The following NEK9 variants were observed in gnomAD, a reference collection of about 807,000 sequenced individuals.
NEK9 encodes NIMA related kinase 9.
In NEK9, 75 loss-of-function variants were observed where a neutral mutation model predicts 123.4. That is an observed-to-expected ratio of 0.61 (90% confidence interval 0.50 to 0.74). The LOEUF (loss-of-function observed/expected upper bound fraction) is 0.74. NEK9 is among the 30% of genes least tolerant of loss of function. The pLI, the probability that NEK9 is intolerant of heterozygous loss-of-function variation, is 0.00. For synonymous variants in NEK9, 438 were observed against 458.7 expected, an observed-to-expected ratio of 0.95 and a Z score of 0.58; for missense variants, 952 against 1,214.4, an observed-to-expected ratio of 0.78 and a Z score of 3.21.
At chr14:75,115,116 C>CACAT (rs1454791728) in intron 6 of NEK9, among the ~76,000 whole-genome samples, 1 of 144,176 alleles carries the variant, frequency 6.9e-6, no homozygotes, top group South Asian at 2.2e-4. Context: ...TGTGTGCGTA[C>CACAT]ACACACACAC....
At chr14:75,087,311 C>T (rs1372565300) in intron 20 of NEK9, 81 bp from the exon 21 acceptor site, 76 of 984,026 alleles carry the variant, frequency 7.7e-5, no homozygotes, top group African/African-American at 6.6e-5. Flanking sequence ...TAAGTGCAAT[C>T]GGATTTTACT....
Position 75,126,752 on chromosome 14 carries a change from A to G in NEK9, c.170T>C (p.Val57Ala). Reference sequence around the variant, plus strand: ...TTCCCCGAAGGCGCCGCGGCCCAGGACGCGGATGGGGATGTAGTGCAGTTC... The same window carrying G: ...TTCCCCGAAGGCGCCGCGGCCCAGGGCGCGGATGGGGATGTAGTGCAGTTC... ...QEELHYIPIR[V>A]LGRGAFGEAT... The change falls in exon 1 of 22, where the codon GTC (valine) becomes GCC (alanine). Residue 57 changes from valine to alanine, a missense_variant. Physicochemically the swap from Val to Ala is moderately conservative, Grantham distance 64 (BLOSUM62 0). Transcript: ENST00000238616. The G allele has an allele frequency of 6.6e-7, 1 of 1,505,040 alleles. No homozygotes were observed. Among genetic ancestry groups the G allele is most frequent in the Non-Finnish European group, 8.9e-7 (1 of 1,127,982 alleles). The allele number at this position is 1,505,040 out of a possible 1,614,324, so 93.2% of individuals were successfully genotyped here.
chr14:75,088,553 G>A lies in NEK9; in HGVS notation c.2531C>T (p.Pro844Leu), dbSNP rs1192783625. The A allele has an allele frequency of 1.2e-6, 2 of 1,614,026 alleles. No homozygotes were observed. Among genetic ancestry groups the A allele is most frequent in the Non-Finnish European group, 1.7e-6 (2 of 1,179,986 alleles). Reference protein sequence around the residue: ...AFSESEKDTLPYEELQGLKVA... With the variant: ...AFSESEKDTLLYEELQGLKVA... ...TTTGAGTCCTTGCAGCTCTTCATAG[G>A]GCAGGGTATCTTTCTCAGATTCTGA... The change falls in exon 20 of 22, where the codon CCC (proline) becomes CTC (leucine). Residue 844 changes from proline to leucine, a missense_variant. Physicochemically the swap from Pro to Leu is moderately conservative, Grantham distance 98. Coordinates refer to ENST00000238616, the MANE Select transcript of NEK9 (RefSeq NM_033116.6).
At chr14:75,119,028 A>T in intron 4 of NEK9, 93 bp from the exon 5 acceptor site, 1 of 758,446 alleles carries the variant, frequency 1.3e-6, no homozygotes, top group Admixed American at 2.1e-5. Context: ...AATAAAAATG[A>T]GTGTGGGCCG....
Position 75,097,205 on chromosome 14 carries a change from G to A in NEK9, c.2068C>T (p.Pro690Ser), listed in dbSNP as rs1413266993. The change falls in exon 17 of 22, where the codon CCA becomes TCA. Residue 690 changes from proline to serine, a missense_variant. This residue lies in a region of NEK9 where 698 missense variants were observed against 875.6 expected (regional missense o/e 0.80). Coordinates refer to ENST00000238616, the MANE Select transcript of NEK9 (RefSeq NM_033116.6). ...GAGGTACAGATATCAGAGCCATGTG[G>A]TCTCTCTGTGGGGGTCATTGCCAGG... ...GRLAMTPTER[P>S]HGSDICTSWP... The A allele has an allele frequency of 6.2e-7, 1 of 1,613,330 alleles. No individual in the cohort carries two copies. Among genetic ancestry groups the A allele is most frequent in the African/African-American group, 1.3e-5 (1 of 74,916 alleles).
chr14:75,113,315 T>C (rs776082471), intron 8 of NEK9, 24 bp downstream of exon 8: 3 of 1,584,676 alleles, frequency 1.9e-6, no homozygotes, highest in South Asian at 1.1e-5. Flanking sequence ...GAAAAGACAA[T>C]GGAGTGACTT....
chr14:75,121,765 C>A (rs942353324), intron 2 of NEK9, among the ~76,000 whole-genome samples: 2 of 152,054 alleles, frequency 1.3e-5, no homozygotes, highest in Non-Finnish European at 2.9e-5. Context: ...GTGGGAGGGT[C>A]GCCTGAGCGT....
chr14:75,087,287 A>G (rs1594820753), intron 20 of NEK9, 57 bp from the exon 21 acceptor site: 1 of 1,349,884 alleles, frequency 7.4e-7, no homozygotes, highest in African/African-American at 1.4e-5. Context: ...TAGCTCCTCA[A>G]TCCAAACTTC....
At chr14:75,090,934 A>T (rs764405641) in intron 19 of NEK9, among the ~76,000 whole-genome samples, 3 of 152,238 alleles carry the variant, frequency 2.0e-5, no homozygotes, top group Non-Finnish European at 4.4e-5. Context: ...AAGGCATTCC[A>T]ACTGCTCCAA....
In NEK9 at chr14:75,101,106, C is replaced by T. The variant is rs1894563765; in HGVS notation, c.1888G>A (p.Gly630Ser). The T allele has an allele frequency of 6.2e-7, 1 of 1,614,128 alleles. No homozygotes were observed. The highest frequency in any genetic ancestry group is 8.5e-7 in the Non-Finnish European group (1 of 1,180,062). The part of the protein sequence containing the change: ...TFGCNKCGQL[G>S]VGNYKKRLGI... ...AGACGCTTCTTGTAGTTCCCAACGC[C>T]CAGCTGCCCACACTTGTTGCAGCCA... is the stretch of plus-strand genomic sequence containing the variant. Residue 630 changes from glycine to serine, a missense_variant, in exon 16 of 22, where the codon GGC (glycine) becomes AGC (serine). Gly to Ser is a moderately conservative substitution (Grantham distance 56, BLOSUM62 0). Around this residue, in one of 4 missense-constraint regions of NEK9, gnomAD observed 698 missense variants for 875.6 expected, o/e 0.80. Transcript: ENST00000238616.
chr14:75,114,411 G>T (rs1895060612), intron 6 of NEK9, 98 bp from the exon 7 acceptor site: 1 of 932,770 alleles, frequency 1.1e-6, no homozygotes, highest in Non-Finnish European at 1.7e-6. Context: ...ATTATTTAAA[G>T]AATTGGCAAT....
intron 17 of NEK9, 79 bp from the exon 18 acceptor site, chr14:75,095,510 T>C: frequency 1.1e-6 from 1 of 884,004 alleles, no homozygotes; most frequent in Non-Finnish European, 1.8e-6. Flanking sequence ...GATAGGGAGA[T>C]AATTGCTCTC....
chr14:75,126,375 G>C (rs1317295601), intron 1 of NEK9, among the ~76,000 whole-genome samples: 1 of 151,904 alleles, frequency 6.6e-6, no homozygotes, highest in Non-Finnish European at 1.5e-5. Flanking sequence ...TTACAGAACA[G>C]AGCCTTCGTT....
intron 2 of NEK9, among the ~76,000 whole-genome samples, chr14:75,122,323 G>C (rs573486548): frequency 6.6e-6 from 1 of 152,194 alleles, no homozygotes. Flanking sequence ...ATATACAAGA[G>C]TTTACACAAG....
intron 16 of NEK9, among the ~76,000 whole-genome samples, chr14:75,098,893 A>T: frequency 6.6e-6 from 1 of 152,174 alleles, no homozygotes; most frequent in East Asian, 1.9e-4. Flanking sequence ...TTGCTGCACT[A>T]AATTTATCTT....
intron 5 of NEK9, 25 bp from the exon 6 acceptor site, chr14:75,117,351 G>C (rs1186525698): frequency 1.3e-6 from 2 of 1,586,202 alleles, no homozygotes; most frequent in Admixed American, 3.8e-5. Flanking sequence ...AACAATCAAA[G>C]AATAACTTCT....
rs756395678 is a variant in NEK9 at position 75,110,301 on chromosome 14, AAG to A, written c.989+18_989+19del. On this transcript the variant is annotated intron_variant, in intron 9 of 21. Coordinates refer to ENST00000238616, the MANE Select transcript of NEK9 (RefSeq NM_033116.6). ...TGTAATTTCGGATATATTAGTTTTT[AAG>A]AGTCTCTTGAACATTACCTTGGTCT... is the stretch of plus-strand genomic sequence containing the variant. 6.3e-7 allele frequency: 1 copy of A among 1,594,714 alleles called. No individual in the cohort carries two copies. Among genetic ancestry groups the A allele is most frequent in the South Asian group, 1.1e-5 (1 of 89,658 alleles).
intron 1 of NEK9, among the ~76,000 whole-genome samples, chr14:75,126,058 G>T (rs1895513418): frequency 6.6e-6 from 1 of 152,190 alleles, no homozygotes; most frequent in South Asian, 2.1e-4. Flanking sequence ...AGGGGTCCTT[G>T]TGCCCCCCAA....
chr14:75,087,170 CAGG>C lies in NEK9; in HGVS notation c.2662_2664del (p.Pro888del). The stretch of plus-strand genomic sequence containing the variant: ...ACCTGCAGAGAGCTGCACGCACACG[CAGG>C]AGGAGTCAGTGGTGTTCCCTTCCCA... On this transcript the variant is annotated inframe_deletion, in exon 21 of 22. Coordinates refer to ENST00000238616, the MANE Select transcript of NEK9 (RefSeq NM_033116.6). The C allele has an allele frequency of 3.7e-6, 6 of 1,614,158 alleles. No individual in the cohort carries two copies. Among genetic ancestry groups the C allele is most frequent in the Non-Finnish European group, 5.1e-6 (6 of 1,180,038 alleles).
Sources: gnomAD v4.1 joint callset for allele counts (sites outside exome capture counted in the v4.1 genomes callset) on GRCh38, gnomAD v4.1.1 for gene constraint, gnomAD v4.1.1 regional missense constraint, MANE v1.5 for transcripts, NCBI Gene and HGNC (gene_info 2026-07-23, HGNC 2026-07-21) for gene names.